NTAN1: variants seen among roughly 807,000 people sequenced by gnomAD.
NTAN1 encodes the protein protein N-terminal asparagine amidohydrolase.
In NTAN1, 32 loss-of-function variants were observed where a neutral mutation model predicts 41.9. That is an observed-to-expected ratio of 0.76 (90% confidence interval 0.58 to 1.03). The LOEUF (loss-of-function observed/expected upper bound fraction) is 1.03, where lower values mean the gene tolerates loss of function less well. Ranked by LOEUF, NTAN1 falls within the 50% of genes least tolerant of loss-of-function variation. The pLI, the probability that NTAN1 is intolerant of heterozygous loss-of-function variation, is 0.00. For missense variants in NTAN1, 377 were observed against 377.5 expected (o/e 1.00, Z 0.01); for synonymous variants, 140 against 139.5 (o/e 1.00, Z -0.03).
chr16:15,054,888 C>T (rs2044441439), intron 1 of NTAN1, among the ~76,000 whole-genome samples: 1 of 152,142 alleles, frequency 6.6e-6, no homozygotes, highest in Admixed American at 6.5e-5. Flanking sequence ...ACAGATGAAA[C>T]CTCTAAATGC....
intron 4 of NTAN1, chr16:15,047,151 G>A (rs1324312461): frequency 4.0e-5 from 18 of 447,894 alleles, no homozygotes; most frequent in South Asian, 3.9e-4. Context: ...ACCCGGGGGA[G>A]AGCAAAACGA....
chr16:15,054,002 T>A (rs1414771505), intron 1 of NTAN1, among the ~76,000 whole-genome samples: 1 of 152,174 alleles, frequency 6.6e-6, no homozygotes, highest in Non-Finnish European at 1.5e-5. Context: ...TCTAAGCCCC[T>A]TGGTCATTTG....
chr16:15,040,015 C>A lies in NTAN1; in HGVS notation c.593G>T (p.Gly198Val). Reference sequence around the variant, plus strand: ...CGCAGCACGAAGCTGCTCCTCCGGACCCCGATCTTGAAAGGATGCTCTGTA... The same window carrying A: ...CGCAGCACGAAGCTGCTCCTCCGGAACCCGATCTTGAAAGGATGCTCTGTA... ...EIYRASFQDR[G>V]PEEQLRAART... Residue 198 changes from glycine to valine, a missense_variant, in exon 8 of 10, where the codon GGT (glycine) becomes GTT (valine). Gly to Val is a moderately radical substitution (Grantham distance 109). Coordinates refer to ENST00000287706, the MANE Select transcript of NTAN1 (RefSeq NM_173474.4). 1.2e-6 allele frequency: 2 copies of A among 1,612,264 alleles called. No individual in the cohort carries two copies. Among genetic ancestry groups the A allele is most frequent in the Non-Finnish European group, 1.7e-6 (2 of 1,178,572 alleles).
At chr16:15,044,154 A>G (rs1489690392) in intron 5 of NTAN1, among the ~76,000 whole-genome samples, 180 bp downstream of exon 5, 1 of 152,156 alleles carries the variant, frequency 6.6e-6, no homozygotes, top group East Asian at 1.9e-4. Flanking sequence ...CCCTCCCTAC[A>G]CATGAGCTCC....
At chr16:15,047,708 G>C in intron 3 of NTAN1, 147 bp downstream of exon 3, 1 of 890,806 alleles carries the variant, frequency 1.1e-6, no homozygotes. Context: ...TTCTGACCAG[G>C]ACACCAGGGA....
chr16:15,047,662 G>A, intron 3 of NTAN1, 112 bp from the exon 4 acceptor site: 1 of 953,736 alleles, frequency 1.0e-6, no homozygotes, highest in East Asian at 2.4e-5. Flanking sequence ...TCCTGTAGGG[G>A]AAAAACGGAC....
chr16:15,038,347 G>A (rs1177220619), intron 9 of NTAN1, 137 bp from the exon 10 acceptor site: 11 of 631,898 alleles, frequency 1.7e-5, no homozygotes, highest in African/African-American at 1.2e-4. Context: ...GCCTGAATTA[G>A]TAAGAAAAAA....
chr16:15,041,401 C>G (rs1244595755), intron 6 of NTAN1, among the ~76,000 whole-genome samples: 2 of 152,086 alleles, frequency 1.3e-5, no homozygotes, highest in Admixed American at 1.3e-4. Flanking sequence ...ATCCAGTGCC[C>G]TCCTTCCTGG....
chr16:15,049,480 G>C (rs2044214145), intron 1 of NTAN1, among the ~76,000 whole-genome samples: 1 of 151,780 alleles, frequency 6.6e-6, no homozygotes, highest in African/African-American at 2.4e-5. Flanking sequence ...CCAGGCTGGA[G>C]TGCAGTGGCG....
At chr16:15,047,104 C>A in intron 4 of NTAN1, 1 of 310,358 alleles carries the variant, frequency 3.2e-6, no homozygotes. Flanking sequence ...ATTTAACAAG[C>A]AACTGCGGGA....
Position 15,038,211 on chromosome 16 carries a change from C to T in NTAN1, c.754-1G>A, listed in dbSNP as rs1409853617. The T allele has an allele frequency of 7.4e-6, 12 of 1,611,128 alleles. No individual in the cohort carries two copies. Among genetic ancestry groups the T allele is most frequent in the Non-Finnish European group, 9.3e-6 (11 of 1,178,542 alleles). On this transcript the variant is annotated splice_acceptor_variant, in intron 9 of 9. Coordinates refer to ENST00000287706, the MANE Select transcript of NTAN1 (RefSeq NM_173474.4). LOFTEE classifies it high-confidence loss of function. ...CAGCCAGAGGCGAAGTGGAAAGATT[C>T]TGAAAACACAAGATGGTGGGCATTA... is the stretch of plus-strand genomic sequence containing the variant.
chr16:15,049,507 C>T (rs984514565), intron 1 of NTAN1, among the ~76,000 whole-genome samples: 2 of 151,850 alleles, frequency 1.3e-5, no homozygotes, highest in African/African-American at 4.8e-5. Context: ...CAGTTCACTG[C>T]AATCTCCACC....
chr16:15,039,095 T>C (rs1379077117), intron 8 of NTAN1, among the ~76,000 whole-genome samples: 1 of 152,184 alleles, frequency 6.6e-6, no homozygotes, highest in Admixed American at 6.5e-5. Flanking sequence ...CCTTGCAATT[T>C]AAAAGCATAC....
rs139310634 is a variant in NTAN1, at chr16:15,038,162, T to C, written c.802A>G (p.Ile268Val). ...TTTAAAAACATCAAGGTAGATCTAA[T>C]ATGTTCAACAAAGTGGGGTGGCTCA... ...LAEPPHFVEH[I>V]RSTLMFLKKH... The change falls in exon 10 of 10, where the codon ATT (isoleucine) becomes GTT (valine). Residue 268 changes from isoleucine (I) to valine (V), a missense_variant. Coordinates refer to ENST00000287706, the MANE Select transcript of NTAN1 (RefSeq NM_173474.4). The C allele has an allele frequency of 1.3e-4, 203 of 1,613,590 alleles. No homozygotes were observed. The highest frequency in any genetic ancestry group is 9.3e-4 in the African/African-American group (70 of 75,016).
intron 9 of NTAN1, 40 bp from the exon 10 acceptor site, chr16:15,038,250 T>TG: frequency 7.0e-7 from 1 of 1,418,954 alleles, no homozygotes; most frequent in Non-Finnish European, 9.9e-7. Flanking sequence ...AAGCCAACCT[T>TG]ACTGTCCCCT....
chr16:15,047,337 C>T (rs1597795809), intron 4 of NTAN1, 105 bp downstream of exon 4: 8 of 771,182 alleles, frequency 1.0e-5, no homozygotes, highest in South Asian at 3.1e-5. Context: ...GAGGCAGACA[C>T]GGCAGTGGTG....
At chr16:15,053,951 A>G (rs2044398272) in intron 1 of NTAN1, among the ~76,000 whole-genome samples, 1 of 151,972 alleles carries the variant, frequency 6.6e-6, no homozygotes, top group East Asian at 1.9e-4. Flanking sequence ...AAAAAACCCA[A>G]CCTTTAATGT....
At chr16:15,043,344 A>C (rs978673987) in intron 5 of NTAN1, among the ~76,000 whole-genome samples, 1 of 152,136 alleles carries the variant, frequency 6.6e-6, no homozygotes, top group Non-Finnish European at 1.5e-5. Context: ...CCGGATATGA[A>C]CCTTTTTTAA....
intron 1 of NTAN1, among the ~76,000 whole-genome samples, chr16:15,055,213 G>A (rs749929874): frequency 2.0e-5 from 3 of 152,074 alleles, no homozygotes; most frequent in Non-Finnish European, 2.9e-5. Flanking sequence ...GAACCCCCTT[G>A]CCAACAGTCC....
Sources: gnomAD v4.1 joint callset for allele counts (sites outside exome capture counted in the v4.1 genomes callset) on GRCh38, gnomAD v4.1.1 for gene constraint, MANE v1.5 for transcripts, NCBI Gene and HGNC (gene_info 2026-07-23, HGNC 2026-07-21) for gene names.